GSK3B: variants seen among roughly 807,000 people sequenced by gnomAD.
The protein encoded by GSK3B is glycogen synthase kinase-3 beta.
In GSK3B, 15 loss-of-function variants were observed where a neutral mutation model predicts 56.4. The ratio of observed to expected loss-of-function variants is 0.27; its 90% CI spans 0.18 to 0.41. GSK3B has a LOEUF of 0.41. GSK3B is among the 10% of genes least tolerant of loss of function. The pLI is 1.00. For missense variants in GSK3B, 300 were observed against 513.4 expected, an observed-to-expected ratio of 0.58 and a Z score of 4.02; for synonymous variants, 181 against 188.9, an observed-to-expected ratio of 0.96 and a Z score of 0.34.
intron 1 of GSK3B, among the ~76,000 whole-genome samples, chr3:120,086,750 G>T (rs983643777): frequency 2.0e-5 from 3 of 151,850 alleles, no homozygotes; most frequent in African/African-American, 7.3e-5. Flanking sequence ...AGCCAAGACT[G>T]TGCCACTGCA....
Position 119,823,274 on chromosome 3 carries a change from A to T in GSK3B, c.*3514T>A, listed in dbSNP as rs763672291. 4.1e-5 allele frequency: 9 copies of T among 217,750 alleles called. No individual in the cohort carries two copies. The highest frequency in any genetic ancestry group is 8.3e-5 in the Non-Finnish European group (9 of 108,214). The allele number at this position is 217,750 out of a possible 1,614,324, so 13.5% of individuals were successfully genotyped here. A position where few individuals can be genotyped will look rare whatever the true frequency, so the allele number is the denominator to read the frequency against. On this transcript the variant is annotated 3_prime_UTR_variant, in exon 11 of 11. Transcript: ENST00000264235. ...ATTAAACTGATTTTTTTTAAAAGAA[A>T]TTAAAATGATATTTCATTGAGCAAG...
chr3:119,929,968 C>A (rs2056928408), intron 3 of GSK3B, among the ~76,000 whole-genome samples: 1 of 151,142 alleles, frequency 6.6e-6, no homozygotes, highest in Non-Finnish European at 1.5e-5. Context: ...GTGGTCACAG[C>A]GACTCGGGAG....
intron 6 of GSK3B, among the ~76,000 whole-genome samples, chr3:119,907,418 A>G (rs1389282019): frequency 1.3e-5 from 2 of 152,188 alleles, no homozygotes; most frequent in Non-Finnish European, 2.9e-5. Context: ...CACTCAAAAG[A>G]TTCAGGTGAC....
chr3:119,826,972 G>A, intron 10 of GSK3B, 117 bp from the exon 11 acceptor site: 2 of 670,726 alleles, frequency 3.0e-6, no homozygotes, highest in Non-Finnish European at 5.3e-6. Flanking sequence ...CTGTTATTTG[G>A]AACGTTGTTT....
At chr3:120,010,626 A>G (rs1286506203) in intron 1 of GSK3B, among the ~76,000 whole-genome samples, 1 of 152,236 alleles carries the variant, frequency 6.6e-6, no homozygotes, top group African/African-American at 2.4e-5. Context: ...TCTAACTCAC[A>G]AAACAAAGGA....
chr3:120,043,605 G>A (rs188681756), intron 1 of GSK3B, among the ~76,000 whole-genome samples: 5 of 152,240 alleles, frequency 3.3e-5, no homozygotes, highest in Non-Finnish European at 7.4e-5. Flanking sequence ...GATATCATCT[G>A]GACTACCAGA....
At chr3:119,897,650 T>C (rs1481341125) in intron 7 of GSK3B, among the ~76,000 whole-genome samples, 2 of 151,878 alleles carry the variant, frequency 1.3e-5, no homozygotes, top group Non-Finnish European at 2.9e-5. Flanking sequence ...TTAAAAACTA[T>C]TAAGAGCTGC....
At chr3:119,912,670 T>C in intron 6 of GSK3B, 34 bp downstream of exon 6, 1 of 928,044 alleles carries the variant, frequency 1.1e-6, no homozygotes, top group Non-Finnish European at 1.7e-6. Flanking sequence ...AAGCAATTAA[T>C]AATTATGAGC....
Position 119,824,566 on chromosome 3 carries a change from C to G in GSK3B, c.*2222G>C, listed in dbSNP as rs1394372625. ...TTTCTCTATCACAGACCTGCCTTTT[C>G]AGATTCTTTATAAATTCTGTCTGAA... On this transcript the variant is annotated 3_prime_UTR_variant, in exon 11 of 11. Coordinates refer to ENST00000264235, the MANE Select transcript of GSK3B (RefSeq NM_001146156.2). 4.8e-6 allele frequency: 1 copy of G among 210,326 alleles called. No homozygotes were observed. The highest frequency in any genetic ancestry group is 9.7e-6 in the Non-Finnish European group (1 of 103,548). 13.0% of individuals were successfully genotyped at this position (210,326 alleles called of 1,614,324 possible). A position where few individuals can be genotyped will look rare whatever the true frequency, so the allele number is the denominator to read the frequency against.
intron 1 of GSK3B, among the ~76,000 whole-genome samples, chr3:120,090,817 C>T (rs1341785442): frequency 2.6e-5 from 4 of 152,184 alleles, no homozygotes; most frequent in Non-Finnish European, 4.4e-5. Context: ...CAAACTTGTA[C>T]AGAACCCCTC....
intron 1 of GSK3B, among the ~76,000 whole-genome samples, chr3:120,045,546 T>C (rs1433802503): frequency 6.6e-6 from 1 of 152,190 alleles, no homozygotes; most frequent in African/African-American, 2.4e-5. Context: ...TCAGCTTAAA[T>C]TGTGCGGTTC....
At chr3:119,939,069 GGGGCTAA>G (rs1463140446) in intron 3 of GSK3B, among the ~76,000 whole-genome samples, 1 of 151,924 alleles carries the variant, frequency 6.6e-6, no homozygotes, top group East Asian at 1.9e-4. Flanking sequence ...AGAAGCTTTT[GGGGCTAA>G]AAGGGGGGCT....
intron 8 of GSK3B, among the ~76,000 whole-genome samples, chr3:119,874,428 G>A (rs1420674429): frequency 6.6e-6 from 1 of 151,998 alleles, no homozygotes. Flanking sequence ...TGTGAATGTA[G>A]TATCTCTCTT....
chr3:120,007,718 C>G (rs2057741899), intron 1 of GSK3B, among the ~76,000 whole-genome samples: 1 of 152,168 alleles, frequency 6.6e-6, no homozygotes. Flanking sequence ...AATTCAACAG[C>G]CTTTCATACT....
intron 4 of GSK3B, among the ~76,000 whole-genome samples, chr3:119,918,389 G>A (rs1013903612): frequency 1.3e-5 from 2 of 151,314 alleles, no homozygotes; most frequent in Non-Finnish European, 2.9e-5. Context: ...AGAATTGCTT[G>A]GACCCGGGAG....
chr3:119,836,628 A>G (rs984855838), intron 10 of GSK3B, among the ~76,000 whole-genome samples: 1 of 152,174 alleles, frequency 6.6e-6, no homozygotes, highest in Admixed American at 6.5e-5. Flanking sequence ...AAAGGCTGAA[A>G]GTTTTCTTAA....
intron 8 of GSK3B, 30 bp from the exon 9 acceptor site, chr3:119,863,635 T>G (rs753309401): frequency 7.1e-7 from 1 of 1,402,684 alleles, no homozygotes; most frequent in South Asian, 1.2e-5. Flanking sequence ...AAAGAACAAT[T>G]AATGTTTTAT....
At chr3:119,826,893 T>C (rs2055518794) in intron 10 of GSK3B, 38 bp from the exon 11 acceptor site, 8 of 1,264,018 alleles carry the variant, frequency 6.3e-6, no homozygotes, top group African/African-American at 4.4e-5. Context: ...GCATGAGCAA[T>C]GCTATAACAA....
intron 9 of GSK3B, among the ~76,000 whole-genome samples, chr3:119,848,343 G>A (rs1220306345): frequency 6.6e-6 from 1 of 152,078 alleles, no homozygotes; most frequent in African/African-American, 2.4e-5. Flanking sequence ...GCTACAGGAG[G>A]ACATTATCCT....
Sources: allele counts gnomAD v4.1 joint callset (sites outside exome capture counted in the v4.1 genomes callset), GRCh38; gene constraint gnomAD v4.1.1; transcripts MANE v1.5; gene names NCBI Gene and HGNC (gene_info 2026-07-23, HGNC 2026-07-21).